HPD: variants seen among roughly 807,000 people sequenced by gnomAD.
The protein encoded by HPD is 4-hydroxyphenylpyruvate dioxygenase.
In HPD, 35 loss-of-function variants were observed where a neutral mutation model predicts 56.9. The observed-to-expected ratio is 0.62, with a 90% CI of 0.47 to 0.82. The LOEUF (loss-of-function observed/expected upper bound fraction) is 0.82, where lower values mean the gene tolerates loss of function less well. Among genes scored for constraint, HPD ranks in the 40% least tolerant of loss-of-function variants. The pLI, the probability that HPD is intolerant of heterozygous loss-of-function variation, is 0.00. For missense variants in HPD, 442 were observed against 506.8 expected, an observed-to-expected ratio of 0.87 and a Z score of 1.23; for synonymous variants, 186 against 200.2, an observed-to-expected ratio of 0.93 and a Z score of 0.60.
At position 121,854,688 on chromosome 12, in the gene HPD, C is replaced by T; in HGVS notation, c.414+15G>A. ...GCCGACAGCAGGAGGGGTGGGGGCACCAAAGGGAACTCACCGTCTGCAGCA... is the reference window on the plus strand; with the variant it reads ...GCCGACAGCAGGAGGGGTGGGGGCATCAAAGGGAACTCACCGTCTGCAGCA... On this transcript the variant is annotated intron_variant, in intron 7 of 13. Coordinates refer to ENST00000289004, the MANE Select transcript of HPD (RefSeq NM_002150.3). The T allele has an allele frequency of 6.3e-7, 1 of 1,595,980 alleles. No homozygotes were observed. The highest frequency in any genetic ancestry group is 8.6e-7 in the Non-Finnish European group (1 of 1,163,550).
intron 11 of HPD, among the ~76,000 whole-genome samples, chr12:121,845,211 C>T (rs1269775937): frequency 2.0e-5 from 3 of 149,772 alleles, no homozygotes; most frequent in Non-Finnish European, 4.4e-5. Context: ...CCTCCCCAGG[C>T]TCAGCTGATC....
chr12:121,886,345 T>A, the HPD span, among the ~76,000 whole-genome samples: 1 of 151,208 alleles, frequency 6.6e-6, no homozygotes, highest in African/African-American at 2.4e-5. Flanking sequence ...CCTAACCTCA[T>A]GATCCACCTG....
chr12:121,887,728 C>A, the HPD span, among the ~76,000 whole-genome samples: 1 of 152,182 alleles, frequency 6.6e-6, no homozygotes. Flanking sequence ...AATTGCATAT[C>A]CGCCTCCTTT....
upstream of HPD, among the ~76,000 whole-genome samples, chr12:121,860,861 A>T (rs1878155263): frequency 6.6e-6 from 1 of 151,988 alleles, no homozygotes; most frequent in Admixed American, 6.6e-5. Context: ...AGCTATGATC[A>T]CGCCACTGCA....
rs1592923096 is a variant in HPD at position 121,856,350 on chromosome 12, C to T, written c.298G>A (p.Val100Met). Residue 100 changes from valine to methionine, a missense_variant, in exon 6 of 14, where the codon GTG (valine) becomes ATG (methionine). Physicochemically the swap from Val to Met is conservative, Grantham distance 21. Transcript: ENST00000289004. ...TGCACGATGTAGTCACAATCTTCCACCTCGAACGCAATGTCCTTCACTCCG... is the reference window on the plus strand; with the variant it reads ...TGCACGATGTAGTCACAATCTTCCATCTCGAACGCAATGTCCTTCACTCCG... Reference protein sequence around the residue: ...GDGVKDIAFEVEDCDYIVQKA... With the variant: ...GDGVKDIAFEMEDCDYIVQKA... 4 of 1,614,174 alleles carry T rather than the reference C, an allele frequency of 2.5e-6. No homozygotes were observed. Among genetic ancestry groups the T allele is most frequent in the East Asian group, 2.2e-5 (1 of 44,884 alleles).
intron 7 of HPD, among the ~76,000 whole-genome samples, chr12:121,853,621 CAAA>C (rs35131803): frequency 1.9e-5 from 1 of 53,410 alleles, no homozygotes. Flanking sequence ...GACTCCATCT[CAAA>C]AAAAAAAAAA....
At chr12:121,853,353 G>A (rs1877872848) in intron 7 of HPD, among the ~76,000 whole-genome samples, 1 of 152,158 alleles carries the variant, frequency 6.6e-6, no homozygotes, top group Non-Finnish European at 1.5e-5. Flanking sequence ...AAGAGGTGGG[G>A]CGCGGTGGCT....
At chr12:121,870,647 A>G in the HPD span, among the ~76,000 whole-genome samples, 3 of 122,094 alleles carry the variant, frequency 2.5e-5, no homozygotes, top group East Asian at 2.6e-4. Context: ...CTTAGGTTGG[A>G]GTGCAATGGC....
chr12:121,861,884 C>T (rs1878183347), upstream of HPD, among the ~76,000 whole-genome samples: 1 of 151,874 alleles, frequency 6.6e-6, no homozygotes, highest in African/African-American at 2.4e-5. Flanking sequence ...TCTAGTTTTC[C>T]AAACCTGATC....
Position 121,849,706 on chromosome 12 carries a change from C to T in HPD, c.499G>A (p.Asp167Asn), listed in dbSNP as rs74820788. Residue 167 changes from aspartate to asparagine, a missense_variant, in exon 8 of 14, where the codon GAC (aspartate) becomes AAC (asparagine). Asp to Asn is a conservative substitution (Grantham distance 23). Coordinates refer to ENST00000289004, the MANE Select transcript of HPD (RefSeq NM_002150.3). The stretch of plus-strand genomic sequence containing the variant: ...ACTCACAGTTTAGGAAGTAGGGGGT[C>T]CATGAACGCTGGGGCCTCATATCCA... ...LPGYEAPAFMDPLLPKLPKCS... is the reference protein window; with the variant it reads ...LPGYEAPAFMNPLLPKLPKCS... 3.3e-4 allele frequency: 533 copies of T among 1,612,916 alleles called. 4 individuals carry two copies. The African/African-American group carries it at 6.3e-3, about 19-fold the overall frequency.
upstream of HPD, among the ~76,000 whole-genome samples, chr12:121,863,785 GA>G (rs1176192492): frequency 3.1e-4 from 41 of 133,928 alleles, no homozygotes; most frequent in East Asian, 8.6e-4. Flanking sequence ...GTCTCTAAAA[GA>G]AAAAAAAAAA....
At chr12:121,847,794 C>T (rs1465073615) in intron 9 of HPD, among the ~76,000 whole-genome samples, 1 of 152,136 alleles carries the variant, frequency 6.6e-6, no homozygotes, top group East Asian at 1.9e-4. Context: ...GCCTCGGCCT[C>T]CCAAAGTGCT....
At chr12:121,873,122 G>T in the HPD span, among the ~76,000 whole-genome samples, 1 of 152,132 alleles carries the variant, frequency 6.6e-6, no homozygotes, top group African/African-American at 2.4e-5. Flanking sequence ...GTTTGCATTT[G>T]CTGGCACACA....
At chr12:121,862,982 C>T (rs1162787752), upstream of HPD, among the ~76,000 whole-genome samples, 4 of 149,734 alleles carry the variant, frequency 2.7e-5, no homozygotes, top group African/African-American at 4.9e-5. Flanking sequence ...GCCCGGCACC[C>T]CCCCTCCTTT....
intron 9 of HPD, among the ~76,000 whole-genome samples, chr12:121,848,111 G>A (rs1484099932): frequency 6.6e-6 from 1 of 152,074 alleles, no homozygotes; most frequent in African/African-American, 2.4e-5. Context: ...GGCTCTCTGG[G>A]TGGTGGCAAC....
At chr12:121,856,090 CG>C (rs1877983767) in intron 6 of HPD, among the ~76,000 whole-genome samples, 1 of 152,004 alleles carries the variant, frequency 6.6e-6, no homozygotes, top group South Asian at 2.1e-4. Context: ...AGAGAGGACA[CG>C]GGGGAAGGCA....
chr12:121,853,212 T>G (rs1877868988), intron 7 of HPD, among the ~76,000 whole-genome samples: 1 of 150,816 alleles, frequency 6.6e-6, no homozygotes, highest in African/African-American at 2.4e-5. Context: ...CCAAGGAGAG[T>G]AGCTAACAGA....
chr12:121,843,815 C>T lies in HPD; in HGVS notation c.849G>A (p.Glu283=). The T allele has an allele frequency of 6.2e-7, 1 of 1,614,090 alleles. No individual in the cohort carries two copies. Among genetic ancestry groups the T allele is most frequent in the Non-Finnish European group, 8.5e-7 (1 of 1,180,012 alleles). The change falls in exon 12 of 14, where the codon GAG becomes GAA. Residue 283 remains glutamate, a synonymous_variant. Coordinates refer to ENST00000289004, the MANE Select transcript of HPD (RefSeq NM_002150.3). The part of the protein sequence containing the change: ...DIITAIRHLR[E]RGLEFLSVPS... The stretch of plus-strand genomic sequence containing the variant: ...GAACAGATAAGAACTCCAGGCCTCT[C>T]TCTCTCAAGTGGCGAATCTGTTTCA...
At position 121,858,691 on chromosome 12, in the gene HPD, G is replaced by A. The variant is rs781084234; in HGVS notation, c.26C>T (p.Ala9Val). 2 of 1,614,026 alleles carry A rather than the reference G, an allele frequency of 1.2e-6. No individual in the cohort carries two copies. The highest frequency in any genetic ancestry group is 1.7e-6 in the Non-Finnish European group (2 of 1,179,942). MTTYSDKG[A>V]KPERGRFLHF... ...TCCCACATTTCGCCTGCTTACCTTT[G>A]CCCCTTTGTCACTGTAAGTCGTCTA... The change falls in exon 2 of 14, where the codon GCA (alanine) becomes GTA (valine). Residue 9 changes from alanine (A) to valine (V), a missense_variant. Coordinates refer to ENST00000289004, the MANE Select transcript of HPD (RefSeq NM_002150.3).
Sources: allele counts gnomAD v4.1 joint callset (sites outside exome capture counted in the v4.1 genomes callset), GRCh38; gene constraint gnomAD v4.1.1; transcripts MANE v1.5; gene names NCBI Gene and HGNC (gene_info 2026-07-23, HGNC 2026-07-21).